EPHA3: variants seen among roughly 807,000 people sequenced by gnomAD.
The protein encoded by EPHA3 is ephrin type-A receptor 3.
A neutral mutation model predicts 107.1 loss-of-function variants in EPHA3; 42 were observed. The observed-to-expected ratio is 0.39, with a 90% CI of 0.31 to 0.51. The LOEUF (loss-of-function observed/expected upper bound fraction) is 0.51, where lower values mean the gene tolerates loss of function less well. Ranked by LOEUF, EPHA3 falls within the 20% of genes least tolerant of loss-of-function variation. The probability of loss-of-function intolerance (pLI) is 0.78; values close to 1 mark genes in which losing one functional copy is unlikely to be tolerated. For synonymous variants in EPHA3, 461 were observed against 424.8 expected, an observed-to-expected ratio of 1.09 and a Z score of -1.05; for missense variants, 1,183 against 1,211.2, an observed-to-expected ratio of 0.98 and a Z score of 0.35.
chr3:89,293,210 G>A (rs1335059695), intron 3 of EPHA3, among the ~76,000 whole-genome samples: 3 of 151,898 alleles, frequency 2.0e-5, no homozygotes, highest in Non-Finnish European at 4.4e-5. Flanking sequence ...TTAAACTATG[G>A]AATTTTGAAA....
At chr3:89,389,872 G>A (rs114414552) in intron 5 of EPHA3, among the ~76,000 whole-genome samples, 2,437 of 152,252 alleles carry the variant, frequency 0.016, 68 homozygotes, top group African/African-American at 0.055. Flanking sequence ...ATTTTATTGA[G>A]TGTAGTCAAT....
At chr3:89,241,870 A>G (rs1488272392) in intron 3 of EPHA3, among the ~76,000 whole-genome samples, 37 of 152,172 alleles carry the variant, frequency 2.4e-4, no homozygotes, top group Admixed American at 2.2e-3. Context: ...GTTTTTTCCA[A>G]TGATAGTTTA....
At chr3:89,392,124 T>A (rs1285395528) in intron 5 of EPHA3, among the ~76,000 whole-genome samples, 1 of 152,088 alleles carries the variant, frequency 6.6e-6, no homozygotes, top group African/African-American at 2.4e-5. Flanking sequence ...AATCTATCAA[T>A]TAGTTTGTGT....
At chr3:89,452,907 G>A (rs1490332488) in intron 15 of EPHA3, among the ~76,000 whole-genome samples, 1 of 152,012 alleles carries the variant, frequency 6.6e-6, no homozygotes, top group Non-Finnish European at 1.5e-5. Flanking sequence ...AGTTAAGTAG[G>A]AGAATCATAA....
At chr3:89,423,123 A>G (rs1709386546) in intron 11 of EPHA3, among the ~76,000 whole-genome samples, 1 of 151,504 alleles carries the variant, frequency 6.6e-6, no homozygotes, top group Non-Finnish European at 1.5e-5. Flanking sequence ...ACCTAGCGAA[A>G]TAGAAGGAAT....
chr3:89,246,310 C>T (rs1431065889), intron 3 of EPHA3, among the ~76,000 whole-genome samples: 1 of 152,116 alleles, frequency 6.6e-6, no homozygotes, highest in Non-Finnish European at 1.5e-5. Flanking sequence ...AGAAATCCTC[C>T]CAGGAAAGAA....
chr3:89,184,248 T>C (rs1705510468), intron 2 of EPHA3, among the ~76,000 whole-genome samples: 1 of 151,928 alleles, frequency 6.6e-6, no homozygotes, highest in Non-Finnish European at 1.5e-5. Context: ...CACAAGGATA[T>C]GTGTGTAGAA....
chr3:89,121,984 G>A (rs1018415283), intron 1 of EPHA3, among the ~76,000 whole-genome samples: 2 of 152,058 alleles, frequency 1.3e-5, no homozygotes, highest in Admixed American at 6.6e-5. Context: ...AATATAGGTC[G>A]ATTTCTTAAT....
chr3:89,379,672 C>T (rs1009341650), intron 5 of EPHA3, among the ~76,000 whole-genome samples: 1 of 152,052 alleles, frequency 6.6e-6, no homozygotes, highest in African/African-American at 2.4e-5. Context: ...AAATAAGTTT[C>T]TGGTATCGTG....
rs1041547450 is a variant in EPHA3, at chr3:89,338,542, A to ATATT, written c.815-2356_815-2353dup. Among the ~76,000 whole-genome samples the ATATT allele has an allele frequency of 5.3e-5, 8 of 152,178 alleles. No individual in the cohort carries two copies. In the South Asian group the frequency reaches 8.3e-4, roughly 16 times the overall value. ...CCAAACAAGAATAGATGTTTGACAA[A>ATATT]TATTTATTTATTTATTTATTTGTTG... On this transcript the variant is annotated intron_variant, in intron 3 of 16. Transcript: ENST00000336596.
chr3:89,356,595 G>A (rs1009787939), intron 5 of EPHA3, among the ~76,000 whole-genome samples: 14 of 150,886 alleles, frequency 9.3e-5, no homozygotes, highest in Admixed American at 2.7e-4. Context: ...TTTCAAAATC[G>A]CAATTCATAT....
chr3:89,121,067 G>A (rs891895437), intron 1 of EPHA3, among the ~76,000 whole-genome samples: 2 of 151,650 alleles, frequency 1.3e-5, no homozygotes, highest in Admixed American at 6.6e-5. Flanking sequence ...GTGAAACCCC[G>A]TCTCTACACA....
intron 1 of EPHA3, among the ~76,000 whole-genome samples, chr3:89,120,574 AAG>A (rs1341139917): frequency 2.8e-4 from 42 of 152,242 alleles, no homozygotes; most frequent in Admixed American, 2.7e-3. Flanking sequence ...AAGAGAAAGA[AAG>A]AAAATTTTAA....
chr3:89,435,335 C>T (rs1276381589), intron 13 of EPHA3, among the ~76,000 whole-genome samples: 1 of 151,070 alleles, frequency 6.6e-6, no homozygotes, highest in Non-Finnish European at 1.5e-5. Flanking sequence ...TGGGGTGGCT[C>T]ACGCCTATAA....
intron 1 of EPHA3, among the ~76,000 whole-genome samples, chr3:89,109,507 T>C (rs1576154364): frequency 6.6e-6 from 1 of 151,998 alleles, no homozygotes; most frequent in South Asian, 2.1e-4. Context: ...TATGTAGATA[T>C]GGATATTACT....
chr3:89,249,793 C>T (rs987559697), intron 3 of EPHA3, among the ~76,000 whole-genome samples: 1 of 152,110 alleles, frequency 6.6e-6, no homozygotes, highest in African/African-American at 2.4e-5. Flanking sequence ...TTTGCTGTTT[C>T]TATATCTCAG....
At chr3:89,269,078 G>A (rs1238014987) in intron 3 of EPHA3, among the ~76,000 whole-genome samples, 3 of 152,010 alleles carry the variant, frequency 2.0e-5, no homozygotes, top group Non-Finnish European at 2.9e-5. Flanking sequence ...AATCTACTTC[G>A]AGTGTTGCTT....
intron 3 of EPHA3, among the ~76,000 whole-genome samples, chr3:89,310,420 A>G (rs1169499427): frequency 1.3e-5 from 2 of 152,014 alleles, no homozygotes; most frequent in African/African-American, 2.4e-5. Context: ...TTTGGGGTAT[A>G]TCTTCTCAAT....
Position 89,477,630 on chromosome 3 carries a change from CTG to C in EPHA3, c.2847-1760_2847-1759del, listed in dbSNP as rs1424493891. On this transcript the variant is annotated intron_variant, in intron 16 of 16. Transcript: ENST00000336596. ...TCTGTGTGTGTGTGTGTGTCTGTGT[CTG>C]TGTGTGGTGTGTTCACACGTGTTCT... Among the ~76,000 whole-genome samples the C allele has an allele frequency of 2.6e-5, 4 of 151,874 alleles. No homozygotes were observed. The South Asian group carries it at 8.3e-4, about 32-fold the overall frequency.
Sources: allele counts gnomAD v4.1 joint callset (sites outside exome capture counted in the v4.1 genomes callset), GRCh38; gene constraint gnomAD v4.1.1; transcripts MANE v1.5; gene names NCBI Gene and HGNC (gene_info 2026-07-23, HGNC 2026-07-21).